The following PRIMA1 variants were observed in gnomAD, a reference collection of about 807,000 sequenced individuals.
The protein encoded by PRIMA1 is proline rich membrane anchor 1, also known as proline-rich membrane anchor 1.
PRIMA1 carries 7 observed loss-of-function variants against 17.5 expected under a neutral mutation model. The ratio of observed to expected loss-of-function variants is 0.40; its 90% CI spans 0.23 to 0.75. The LOEUF (loss-of-function observed/expected upper bound fraction) is 0.75, where lower values mean the gene tolerates loss of function less well. PRIMA1 is among the 30% of genes least tolerant of loss of function. PRIMA1 has a pLI of 0.37. For synonymous variants in PRIMA1, 97 were observed against 77.9 expected (o/e 1.25, Z -1.29); for missense variants, 200 against 201.8 (o/e 0.99, Z 0.05).
chr14:93,759,031 T>C (rs1472808108), intron 3 of PRIMA1, among the ~76,000 whole-genome samples: 15 of 152,304 alleles, frequency 9.8e-5, no homozygotes, highest in African/African-American at 2.9e-4. Flanking sequence ...AAAACTATCA[T>C]ACAGCAGTGA....
At chr14:93,728,519 G>C (rs1315208914) in intron 4 of PRIMA1, among the ~76,000 whole-genome samples, 1 of 152,144 alleles carries the variant, frequency 6.6e-6, no homozygotes, top group Non-Finnish European at 1.5e-5. Context: ...AGCCCCTGTA[G>C]GGTGCAGCTG....
chr14:93,776,912 A>AG (rs1434188380), intron 3 of PRIMA1, among the ~76,000 whole-genome samples: 1 of 152,232 alleles, frequency 6.6e-6, no homozygotes, highest in African/African-American at 2.4e-5. Flanking sequence ...TTCCAGAGAA[A>AG]GCTGGAATTT....
At chr14:93,727,426 G>C (rs1443061999) in intron 4 of PRIMA1, among the ~76,000 whole-genome samples, 1 of 152,212 alleles carries the variant, frequency 6.6e-6, no homozygotes, top group African/African-American at 2.4e-5. Flanking sequence ...GCCCTGGACA[G>C]GGACCTCCAA....
chr14:93,728,791 G>A (rs146954188), intron 4 of PRIMA1, among the ~76,000 whole-genome samples: 197 of 152,216 alleles, frequency 1.3e-3, no homozygotes, highest in African/African-American at 4.4e-3. Flanking sequence ...GACTGTCCAC[G>A]GTGCACGGAG....
At chr14:93,759,808 G>A (rs2141178981) in intron 3 of PRIMA1, among the ~76,000 whole-genome samples, 1 of 152,310 alleles carries the variant, frequency 6.6e-6, no homozygotes, top group South Asian at 2.1e-4. Flanking sequence ...GGAGGGGGAG[G>A]TGTCCCTGGC....
At chr14:93,752,409 T>G (rs934773889) in intron 3 of PRIMA1, among the ~76,000 whole-genome samples, 1 of 152,156 alleles carries the variant, frequency 6.6e-6, no homozygotes, top group Non-Finnish European at 1.5e-5. Context: ...CCAGGTCATA[T>G]TCCAACCCCA....
chr14:93,782,300 A>ATACATACG (rs1885402368), intron 2 of PRIMA1, among the ~76,000 whole-genome samples: 1 of 151,708 alleles, frequency 6.6e-6, no homozygotes, highest in Non-Finnish European at 1.5e-5. Context: ...AAATACATAC[A>ATACATACG]TACATACATA....
chr14:93,725,264 G>A (rs904450586), intron 4 of PRIMA1, among the ~76,000 whole-genome samples: 2 of 150,504 alleles, frequency 1.3e-5, no homozygotes, highest in Non-Finnish European at 1.5e-5. Context: ...TCGGGAGCCC[G>A]CGCGTGGTGA....
At chr14:93,744,878 G>T (rs1433875347) in intron 3 of PRIMA1, among the ~76,000 whole-genome samples, 3 of 152,090 alleles carry the variant, frequency 2.0e-5, no homozygotes, top group Non-Finnish European at 4.4e-5. Flanking sequence ...GCCTCCCTGG[G>T]GCACAGAGCT....
chr14:93,785,762 A>G (rs1299610070), intron 2 of PRIMA1, among the ~76,000 whole-genome samples: 1 of 152,118 alleles, frequency 6.6e-6, no homozygotes, highest in Non-Finnish European at 1.5e-5. Flanking sequence ...CAGAGCCTCA[A>G]GCCAAGATTT....
intron 3 of PRIMA1, among the ~76,000 whole-genome samples, chr14:93,748,367 C>T (rs994112933): frequency 1.3e-5 from 2 of 152,144 alleles, no homozygotes; most frequent in Admixed American, 6.5e-5. Flanking sequence ...GGCAAGTCCC[C>T]GCATGTGACA....
intron 2 of PRIMA1, among the ~76,000 whole-genome samples, chr14:93,780,534 G>A (rs77697075): frequency 1.1e-4 from 16 of 152,314 alleles, no homozygotes; most frequent in Admixed American, 8.5e-4. Flanking sequence ...ATGTGTCAAC[G>A]AGAAGGGTAG....
At chr14:93,737,151 T>A (rs754690199) in intron 4 of PRIMA1, 90 bp downstream of exon 4, 126 of 1,296,162 alleles carry the variant, frequency 9.7e-5, no homozygotes, top group Non-Finnish European at 1.3e-4. Flanking sequence ...TTTTATAATT[T>A]AAAATAATGA....
chr14:93,771,138 GTA>G (rs1294275484), intron 3 of PRIMA1, among the ~76,000 whole-genome samples: 23 of 143,212 alleles, frequency 1.6e-4, no homozygotes, highest in South Asian at 1.4e-3. Context: ...GCATGTGCAC[GTA>G]TGTGTGTGTG....
chr14:93,745,983 C>T (rs1044090935), intron 3 of PRIMA1, among the ~76,000 whole-genome samples: 8 of 152,296 alleles, frequency 5.3e-5, no homozygotes, highest in African/African-American at 1.4e-4. Context: ...GACACCCCTC[C>T]GCCGCTGCCC....
intron 4 of PRIMA1, among the ~76,000 whole-genome samples, chr14:93,729,794 T>C (rs1233109367): frequency 6.6e-6 from 1 of 151,844 alleles, no homozygotes; most frequent in Non-Finnish European, 1.5e-5. Flanking sequence ...TATGCGCAGG[T>C]GGGAGAGAGG....
intron 2 of PRIMA1, among the ~76,000 whole-genome samples, chr14:93,784,455 A>G (rs1041664516): frequency 6.6e-6 from 1 of 152,202 alleles, no homozygotes; most frequent in Non-Finnish European, 1.5e-5. Context: ...GGTGTGAGCC[A>G]CTGCAACCAG....
intron 1 of PRIMA1, among the ~76,000 whole-genome samples, chr14:93,788,000 T>G (rs1408056256): frequency 2.0e-5 from 3 of 152,124 alleles, no homozygotes; most frequent in Non-Finnish European, 2.9e-5. Context: ...AGCTCCAGAA[T>G]ACTGCGTGCA....
intron 4 of PRIMA1, 148 bp downstream of exon 4, chr14:93,737,093 G>A (rs1236109620): frequency 1.5e-6 from 1 of 657,932 alleles, no homozygotes; most frequent in Non-Finnish European, 2.5e-6. Flanking sequence ...GGTGAGGGTA[G>A]ATGGAAGGTC....
Sources: gnomAD v4.1 joint callset for allele counts (sites outside exome capture counted in the v4.1 genomes callset) on GRCh38, gnomAD v4.1.1 for gene constraint, MANE v1.5 for transcripts, NCBI Gene and HGNC (gene_info 2026-07-23, HGNC 2026-07-21) for gene names.